USP9X: variants seen among roughly 807,000 people sequenced by gnomAD.
USP9X encodes ubiquitin specific peptidase 9 X-linked, also known as ubiquitin carboxyl-terminal hydrolase 9X.
USP9X carries 7 observed loss-of-function variants against 190.3 expected under a neutral mutation model. The ratio of observed to expected loss-of-function variants is 0.04; its 90% CI spans 0.02 to 0.07. The LOEUF (loss-of-function observed/expected upper bound fraction) is 0.07. Among genes scored for constraint, USP9X ranks in the 10% least tolerant of loss-of-function variants. The pLI, the probability that USP9X is intolerant of heterozygous loss-of-function variation, is 1.00. For synonymous variants in USP9X, 645 were observed against 659.5 expected (o/e 0.98, Z 0.34); for missense variants, 1,010 against 1,916.9 (o/e 0.53, Z 8.83).
Position 41,232,898 on chromosome X carries a change from C to T in USP9X, c.*374C>T. 1 of 117,338 alleles carries T rather than the reference C, an allele frequency of 8.5e-6. No individual in the cohort carries two copies. The highest frequency in any genetic ancestry group is 1.8e-5 in the Non-Finnish European group (1 of 55,941). 9.7% of individuals were successfully genotyped at this position (117,338 alleles called of 1,213,427 possible). On this transcript the variant is annotated 3_prime_UTR_variant, in exon 45 of 45. Transcript: ENST00000378308. ...TGCACTCTGCAACCAGTGTTGCCTGCCTCATGGCAGTTGGATCAGCTCCTT... is the reference window on the plus strand; with the variant it reads ...TGCACTCTGCAACCAGTGTTGCCTGTCTCATGGCAGTTGGATCAGCTCCTT...
rs1182147906 is a variant in USP9X, at chrX:41,234,968, AGAG to A, written c.*2448_*2450del. On this transcript the variant is annotated 3_prime_UTR_variant, in exon 45 of 45. Transcript: ENST00000378308. Reference sequence around the variant, plus strand: ...GTTAGGTGTACCATCTCACCATCTGAGAGGAGATTTATATATTTCCTGCTGCTC... The same window carrying A: ...GTTAGGTGTACCATCTCACCATCTGAGAGATTTATATATTTCCTGCTGCTC... 8.9e-6 allele frequency: 1 copy of A among 112,245 alleles called. No homozygotes were observed. Among genetic ancestry groups the A allele is most frequent in the Non-Finnish European group, 1.9e-5 (1 of 53,155 alleles). 9.3% of individuals were successfully genotyped at this position (112,245 alleles called of 1,213,427 possible).
rs761337741 is a variant in USP9X at position 41,123,689 on chromosome X, G to A, written c.61G>A (p.Asp21Asn). The A allele has an allele frequency of 5.0e-6, 6 of 1,211,979 alleles. No individual in the cohort carries two copies. The highest frequency in any genetic ancestry group is 6.7e-6 in the Non-Finnish European group (6 of 895,513). ...GGNDNQGQAP[D>N]GQSQPPLQQN... ...GAATGACAACCAGGGCCAGGCTCCTGATGGACAGTCTCAGCCCCCCCTCCA... is the reference window on the plus strand; with the variant it reads ...GAATGACAACCAGGGCCAGGCTCCTAATGGACAGTCTCAGCCCCCCCTCCA... The change falls in exon 2 of 45, where the codon GAT becomes AAT. Residue 21 changes from aspartate (D) to asparagine (N), a missense_variant. By Grantham distance (23) the Asp-to-Asn change is conservative. Around this residue, in one of 11 missense-constraint regions of USP9X, gnomAD observed 176 missense variants for 247.5 expected, o/e 0.71. Coordinates refer to ENST00000378308, the MANE Select transcript of USP9X (RefSeq NM_001039591.3).
At chrX:41,170,272 C>T in intron 19 of USP9X, 37 bp downstream of exon 19, 2 of 1,172,046 alleles carry the variant, frequency 1.7e-6, no homozygotes, top group Non-Finnish European at 2.3e-6. Context: ...TCAATAAAAT[C>T]AAACCAGAGA....
At chrX:41,216,746 T>G (rs2063215484) in intron 35 of USP9X, 94 bp downstream of exon 35, 1 of 979,150 alleles carries the variant, frequency 1.0e-6, no homozygotes, top group African/African-American at 2.0e-5. Flanking sequence ...GTTTTCACTT[T>G]AAATGAGTCT....
intron 1 of USP9X, among the ~76,000 whole-genome samples, chrX:41,112,672 A>G (rs1016498153): frequency 1.2e-4 from 13 of 112,263 alleles, no homozygotes; most frequent in Non-Finnish European, 2.1e-4. Flanking sequence ...TCTTTAGCAT[A>G]AATACTGAGA....
At chrX:41,104,411 A>G (rs1160014531) in intron 1 of USP9X, among the ~76,000 whole-genome samples, 2 of 112,331 alleles carry the variant, frequency 1.8e-5, no homozygotes, top group Admixed American at 9.5e-5. Flanking sequence ...AAAATAGGAC[A>G]AAATAATTTT....
intron 21 of USP9X, among the ~76,000 whole-genome samples, chrX:41,175,563 G>A (rs189065108): frequency 9.0e-6 from 1 of 110,656 alleles, no homozygotes; most frequent in East Asian, 2.8e-4. Context: ...TTAACATCCT[G>A]TACCCTCTCT....
At chrX:41,198,440 A>T in intron 29 of USP9X, 88 bp from the exon 30 acceptor site, 1 of 574,577 alleles carries the variant, frequency 1.7e-6, no homozygotes, top group South Asian at 4.8e-5. Flanking sequence ...CCAATGAGTA[A>T]TTTTAAAATG....
intron 26 of USP9X, chrX:41,195,822 T>C (rs1476659672): frequency 3.4e-6 from 1 of 296,915 alleles, no homozygotes; most frequent in East Asian, 1.0e-4. Context: ...ACCCCTGGTG[T>C]AAGAGACATC....
intron 1 of USP9X, among the ~76,000 whole-genome samples, chrX:41,109,772 G>GC (rs2062095504): frequency 9.0e-6 from 1 of 110,643 alleles, no homozygotes; most frequent in Admixed American, 9.6e-5. Context: ...ACTGGGGATG[G>GC]GGGGGGCAGG....
chrX:41,112,545 G>A (rs2062117940), intron 1 of USP9X, among the ~76,000 whole-genome samples: 1 of 111,713 alleles, frequency 9.0e-6, no homozygotes, highest in South Asian at 3.7e-4. Context: ...TGTTGTGCTT[G>A]ATACACAAGT....
intron 17 of USP9X, 122 bp from the exon 18 acceptor site, chrX:41,167,883 AAT>A: frequency 1.9e-6 from 1 of 522,754 alleles, no homozygotes; most frequent in East Asian, 3.7e-5. Flanking sequence ...TCTCTACTTA[AAT>A]ATGACTGTTG....
rs767121469 is a variant in USP9X, at chrX:41,141,308, T to C, written c.1038T>C (p.Ser346=). The C allele has an allele frequency of 8.3e-7, 1 of 1,203,665 alleles. No homozygotes were observed. Among genetic ancestry groups the C allele is most frequent in the East Asian group, 3.0e-5 (1 of 33,713 alleles). Residue 346 remains serine (S), a synonymous_variant, in exon 9 of 45, where the codon TCT becomes TCC. Transcript: ENST00000378308. ...TTTCTTACAGATTATTGCAAATTTC[T>C]TCTTTCAATGGAAAGATGAATGCAC... ...LKMILRLLQI[S]SFNGKMNALN...
At chrX:41,107,282 G>A (rs1418938119) in intron 1 of USP9X, among the ~76,000 whole-genome samples, 3 of 112,276 alleles carry the variant, frequency 2.7e-5, no homozygotes, top group African/African-American at 9.7e-5. Context: ...GCCTCCCAAA[G>A]TGCTGGGATT....
At chrX:41,124,567 TTAAC>T (rs1163847334) in intron 2 of USP9X, among the ~76,000 whole-genome samples, 1 of 112,276 alleles carries the variant, frequency 8.9e-6, no homozygotes, top group Non-Finnish European at 1.9e-5. Flanking sequence ...GTCATTAAAA[TTAAC>T]TAAGCCATGT....
At chrX:41,190,209 A>G (rs1416667472) in intron 26 of USP9X, among the ~76,000 whole-genome samples, 1 of 112,196 alleles carries the variant, frequency 8.9e-6, no homozygotes, top group African/African-American at 3.2e-5. Flanking sequence ...GGTTGATGTA[A>G]ATTCACAATA....
rs756538230 is a variant in USP9X at position 41,232,563 on chromosome X, C to T, written c.*39C>T. On this transcript the variant is annotated 3_prime_UTR_variant, in exon 45 of 45. Coordinates refer to ENST00000378308, the MANE Select transcript of USP9X (RefSeq NM_001039591.3). ...AACTGGTTCCATCAAGACTGTGCAC[C>T]CAGGCCTTACAGTCCAACCTTTTTC... 8.6e-7 allele frequency: 1 copy of T among 1,168,466 alleles called. No homozygotes were observed. Among genetic ancestry groups the T allele is most frequent in the Admixed American group, 2.3e-5 (1 of 42,626 alleles).
chrX:41,201,564 A>G, intron 31 of USP9X, among the ~76,000 whole-genome samples: 1 of 111,598 alleles, frequency 9.0e-6, no homozygotes, highest in Non-Finnish European at 1.9e-5. Flanking sequence ...AAAAGTAAGT[A>G]GGGATGGACT....
intron 1 of USP9X, among the ~76,000 whole-genome samples, chrX:41,121,326 C>T (rs755069097): frequency 1.8e-5 from 2 of 111,072 alleles, no homozygotes; most frequent in South Asian, 7.5e-4. Context: ...TTAGAGTCCG[C>T]TCTGCATAAC....
Sources: allele counts gnomAD v4.1 joint callset (sites outside exome capture counted in the v4.1 genomes callset), GRCh38; gene constraint gnomAD v4.1.1; regional missense constraint gnomAD v4.1.1; transcripts MANE v1.5; gene names NCBI Gene and HGNC (gene_info 2026-07-23, HGNC 2026-07-21).